The following MYT1L variants were observed in gnomAD, a reference collection of about 807,000 sequenced individuals.
MYT1L encodes myelin transcription factor 1-like protein.
In MYT1L, 12 loss-of-function variants were observed where a neutral mutation model predicts 126.7. That is an observed-to-expected ratio of 0.09 (90% CI 0.06 to 0.15). The LOEUF (loss-of-function observed/expected upper bound fraction) is 0.15. Among genes scored for constraint, MYT1L ranks in the 10% least tolerant of loss-of-function variants. The pLI is 1.00. For synonymous variants in MYT1L, 541 were observed against 604.2 expected (o/e 0.90, Z 1.53); for missense variants, 979 against 1,585.2 (o/e 0.62, Z 6.49).
rs151186919 is a variant in MYT1L at position 2,005,656 on chromosome 2, A to G, written c.-157-8309T>C. Among the ~76,000 whole-genome samples the G allele has an allele frequency of 4.9e-3, 678 of 138,320 alleles. 7 individuals carry two copies. The highest frequency in any genetic ancestry group is 0.018 in the African/African-American group (647 of 36,360). The allele number at this position is 138,320 out of a possible 152,430, so 90.7% of individuals were successfully genotyped here. Reference sequence around the variant, plus strand: ...TTTTCCTGCAGGCGTTCTTTCCTGAATATGTTCTTTCCTGCATGCGTTCTT... The same window carrying G: ...TTTTCCTGCAGGCGTTCTTTCCTGAGTATGTTCTTTCCTGCATGCGTTCTT... On this transcript the variant is annotated intron_variant, in intron 4 of 24. Transcript: ENST00000647738.
chr2:2,004,005 GCCTTCTTTCCTGCA>G, intron 4 of MYT1L, among the ~76,000 whole-genome samples: 1 of 136,342 alleles, frequency 7.3e-6, no homozygotes, highest in Non-Finnish European at 1.7e-5. Context: ...TTTCCTGCAT[GCCTTCTTTCCTGCA>G]TGCCTTCTTT....
At chr2:2,210,989 A>G (rs1290839462) in intron 2 of MYT1L, among the ~76,000 whole-genome samples, 1 of 152,108 alleles carries the variant, frequency 6.6e-6, no homozygotes, top group Non-Finnish European at 1.5e-5. Flanking sequence ...ATGTGTGGCT[A>G]TTATAAATAG....
chr2:2,084,795 T>C (rs2076196467), intron 3 of MYT1L, among the ~76,000 whole-genome samples: 1 of 152,218 alleles, frequency 6.6e-6, no homozygotes, highest in Admixed American at 6.5e-5. Context: ...TACACAGACA[T>C]AGATGATGAA....
At chr2:2,109,875 TTATATATA>T (rs58549168) in intron 3 of MYT1L, among the ~76,000 whole-genome samples, 1,714 of 63,780 alleles carry the variant, frequency 0.027, 33 homozygotes, top group Admixed American at 0.037. Context: ...AGTGCTGATT[TTATATATA>T]TATATATATA....
At chr2:2,093,988 A>C (rs1340614855) in intron 3 of MYT1L, among the ~76,000 whole-genome samples, 1 of 152,212 alleles carries the variant, frequency 6.6e-6, no homozygotes, top group Non-Finnish European at 1.5e-5. Context: ...TTTGTCAAAG[A>C]TCAGATAGTT....
chr2:2,160,113 T>C (rs1056694263), intron 3 of MYT1L, among the ~76,000 whole-genome samples: 1 of 152,164 alleles, frequency 6.6e-6, no homozygotes, highest in African/African-American at 2.4e-5. Flanking sequence ...AGGTAATACA[T>C]GTGCCTCTCA....
intron 4 of MYT1L, among the ~76,000 whole-genome samples, chr2:2,045,312 T>C (rs113145367): frequency 9.2e-5 from 14 of 152,312 alleles, no homozygotes; most frequent in African/African-American, 2.9e-4. Flanking sequence ...GGCAGACTGC[T>C]GCACTGCGAT....
At position 1,979,259 on chromosome 2, in the gene MYT1L, C is replaced by T. The variant is rs759811279; in HGVS notation, c.90-32G>A. On this transcript the variant is annotated intron_variant, in intron 7 of 24. Coordinates refer to ENST00000647738, the MANE Select transcript of MYT1L (RefSeq NM_001303052.2). This position sits in a 1 kb window ranked among gnomAD's most constrained non-coding sequence, Gnocchi z 4.0. ...CAGGAAAGAATGGATTACACGGTGC[C>T]GCAGGCAGGCAGGTGAGACGGAAAG... 6.3e-6 allele frequency: 10 copies of T among 1,598,206 alleles called. No homozygotes were observed. The Admixed American group carries it at 6.7e-5, about 11-fold the overall frequency.
intron 4 of MYT1L, among the ~76,000 whole-genome samples, chr2:2,005,005 TGCCTTCTTTCCTGC>T (rs2063058732): frequency 6.9e-6 from 1 of 145,856 alleles, no homozygotes; most frequent in African/African-American, 2.7e-5. Flanking sequence ...CTTTCCTGCA[TGCCTTCTTTCCTGC>T]GTGCCTTCTT....
At chr2:2,117,182 G>A (rs1575282292) in intron 3 of MYT1L, among the ~76,000 whole-genome samples, 3 of 152,258 alleles carry the variant, frequency 2.0e-5, no homozygotes, top group South Asian at 2.1e-4. Context: ...TTGTTTTCCC[G>A]TCATTGATGT....
At chr2:2,076,273 CCAGG>C (rs1270173929) in intron 3 of MYT1L, among the ~76,000 whole-genome samples, 2 of 152,268 alleles carry the variant, frequency 1.3e-5, no homozygotes, top group South Asian at 2.1e-4. Context: ...AAGAAAGGCA[CCAGG>C]CACTCATTCC....
intron 2 of MYT1L, among the ~76,000 whole-genome samples, chr2:2,205,632 T>A (rs1001592806): frequency 2.6e-5 from 4 of 152,232 alleles, no homozygotes; most frequent in Non-Finnish European, 5.9e-5. Flanking sequence ...CCAGTCTCAC[T>A]TGAACAATGT....
chr2:2,238,458 T>C (rs1463798068), intron 2 of MYT1L, among the ~76,000 whole-genome samples: 2 of 152,200 alleles, frequency 1.3e-5, no homozygotes, highest in Non-Finnish European at 2.9e-5. Context: ...TCAGTAAATA[T>C]GCAGTTGGAG....
intron 18 of MYT1L, 65 bp downstream of exon 18, chr2:1,886,474 A>ATT: frequency 1.1e-5 from 13 of 1,192,532 alleles, no homozygotes; most frequent in South Asian, 5.1e-5. Context: ...ATGACATATC[A>ATT]TTTTTTTTTG....
Position 1,802,363 on chromosome 2 carries a change from G to A in MYT1L, c.3173-564C>T, listed in dbSNP as rs75485278. Among the ~76,000 whole-genome samples, 1,274 of 152,290 alleles carry A rather than the reference G, an allele frequency of 8.4e-3. 16 individuals are homozygous for A. The highest frequency in any genetic ancestry group is 0.03 in the African/African-American group (1,227 of 41,562). ...TGAGGATGACCTCACCTTACCCACC[G>A]ACAGGAAGCTGTGGGAAGTGGGAGA... On this transcript the variant is annotated intron_variant, in intron 22 of 24. Transcript: ENST00000647738.
At chr2:2,316,840 T>C (rs1363800624) in intron 1 of MYT1L, among the ~76,000 whole-genome samples, 2 of 152,070 alleles carry the variant, frequency 1.3e-5, no homozygotes, top group Non-Finnish European at 2.9e-5. Context: ...AGACAGAGTC[T>C]CGCTCTGTCA....
chr2:2,329,455 AT>A (rs2096271610), intron 1 of MYT1L, among the ~76,000 whole-genome samples: 1 of 144,794 alleles, frequency 6.9e-6, no homozygotes, highest in African/African-American at 2.7e-5. Flanking sequence ...TCCAGATCTC[AT>A]ATTACTGATT....
At chr2:2,267,065 G>T (rs2095149813) in intron 2 of MYT1L, among the ~76,000 whole-genome samples, 1 of 152,234 alleles carries the variant, frequency 6.6e-6, no homozygotes, top group African/African-American at 2.4e-5. Flanking sequence ...GTGAACCAGA[G>T]CAAGCCAGGT....
intron 1 of MYT1L, among the ~76,000 whole-genome samples, chr2:2,314,130 T>G (rs1459678815): frequency 6.6e-6 from 1 of 152,128 alleles, no homozygotes; most frequent in Non-Finnish European, 1.5e-5. Context: ...GAAACAAAAC[T>G]CCACCAACCA....
Sources: allele counts gnomAD v4.1 joint callset (sites outside exome capture counted in the v4.1 genomes callset), GRCh38; gene constraint gnomAD v4.1.1; non-coding constraint Gnocchi (gnomAD v3.1); transcripts MANE v1.5; gene names NCBI Gene and HGNC (gene_info 2026-07-23, HGNC 2026-07-21).